The following SHC4 variants were observed in gnomAD, a reference collection of about 807,000 sequenced individuals.
The protein encoded by SHC4 is SHC adaptor protein 4, also known as SHC-transforming protein 4.
A neutral mutation model predicts 69.4 loss-of-function variants in SHC4; 41 were observed. That is an observed-to-expected ratio of 0.59 (90% CI 0.46 to 0.77). The LOEUF (loss-of-function observed/expected upper bound fraction) is 0.77, where lower values mean the gene tolerates loss of function less well. Among genes scored for constraint, SHC4 ranks in the 30% least tolerant of loss-of-function variants. SHC4 has a pLI of 0.00. For missense variants in SHC4, 777 were observed against 783.8 expected (o/e 0.99, Z 0.10); for synonymous variants, 318 against 299.3 (o/e 1.06, Z -0.64).
chr15:48,949,984 A>G (rs1901339858), intron 1 of SHC4, among the ~76,000 whole-genome samples: 1 of 142,760 alleles, frequency 7.0e-6, no homozygotes, highest in Non-Finnish European at 1.5e-5. Context: ...GAAATAATAT[A>G]TAAAATAATA....
At chr15:48,896,285 TC>T (rs1235815187) in intron 2 of SHC4, among the ~76,000 whole-genome samples, 1 of 135,464 alleles carries the variant, frequency 7.4e-6, no homozygotes, top group African/African-American at 2.6e-5. Context: ...TCTCTCTCTC[TC>T]TCTCCCTCCC....
At chr15:48,930,298 GA>G (rs1437490992) in intron 1 of SHC4, among the ~76,000 whole-genome samples, 1 of 152,128 alleles carries the variant, frequency 6.6e-6, no homozygotes, top group Non-Finnish European at 1.5e-5. Flanking sequence ...GTTTAGATTT[GA>G]AAAATAAAAT....
At chr15:48,888,592 C>A (rs1160693568) in intron 3 of SHC4, among the ~76,000 whole-genome samples, 1 of 152,086 alleles carries the variant, frequency 6.6e-6, no homozygotes, top group Non-Finnish European at 1.5e-5. Flanking sequence ...GAACTGTACA[C>A]TTAAAAAGGG....
intron 1 of SHC4, 59 bp from the exon 2 acceptor site, chr15:48,925,008 A>G (rs1469383864): frequency 1.3e-6 from 2 of 1,577,776 alleles, no homozygotes; most frequent in Middle Eastern, 1.7e-4. Context: ...GCTGTCTCTT[A>G]GCTTCACGGC....
intron 2 of SHC4, among the ~76,000 whole-genome samples, chr15:48,910,041 T>G (rs897563933): frequency 6.6e-6 from 1 of 152,068 alleles, no homozygotes; most frequent in African/African-American, 2.4e-5. Flanking sequence ...CCTTTTCTGG[T>G]TTTGGTATTA....
chr15:48,954,989 T>C (rs554838746), intron 1 of SHC4, among the ~76,000 whole-genome samples: 39 of 152,322 alleles, frequency 2.6e-4, no homozygotes, highest in Non-Finnish European at 4.7e-4. Context: ...AATCTCTTCA[T>C]GAAATGGGAA....
intron 1 of SHC4, among the ~76,000 whole-genome samples, chr15:48,956,395 T>C (rs1901454299): frequency 1.3e-5 from 2 of 152,300 alleles, no homozygotes; most frequent in South Asian, 4.1e-4. Context: ...GTTACCAGGC[T>C]ATGTGTGTGG....
chr15:48,846,162 C>T (rs1899088562), intron 9 of SHC4, among the ~76,000 whole-genome samples: 1 of 152,094 alleles, frequency 6.6e-6, no homozygotes, highest in South Asian at 2.1e-4. Context: ...CCGGGCCTGG[C>T]TAGAAGTCAG....
At chr15:48,907,298 C>G (rs974754719) in intron 2 of SHC4, among the ~76,000 whole-genome samples, 2 of 150,992 alleles carry the variant, frequency 1.3e-5, no homozygotes, top group African/African-American at 2.4e-5. Flanking sequence ...TAGCTCGGCT[C>G]ACTGCAACCG....
intron 9 of SHC4, among the ~76,000 whole-genome samples, chr15:48,849,337 C>T (rs1260333238): frequency 6.6e-6 from 1 of 152,136 alleles, no homozygotes; most frequent in Non-Finnish European, 1.5e-5. Context: ...TTGATTGTCA[C>T]TTCCTTAGGG....
At chr15:48,845,642 G>A (rs926408005) in intron 9 of SHC4, among the ~76,000 whole-genome samples, 1 of 152,160 alleles carries the variant, frequency 6.6e-6, no homozygotes, top group African/African-American at 2.4e-5. Flanking sequence ...AAACGAGAAT[G>A]ATCTAATCAG....
rs908443757 is a variant in SHC4 at position 48,835,561 on chromosome 15, A to T, written c.1484-539T>A. 2.6e-5 allele frequency among the ~76,000 whole-genome samples: 4 copies of T among 152,208 alleles called. No individual in the cohort carries two copies. In the East Asian group the frequency reaches 7.7e-4, roughly 29 times the overall value. ...TCAAAACTTTGCTAAACCTCACAGC[A>T]TTCCCACTAAAGGACTACTTTGTTG... On this transcript the variant is annotated intron_variant, in intron 10 of 11. Coordinates refer to ENST00000332408, the MANE Select transcript of SHC4 (RefSeq NM_203349.4).
intron 4 of SHC4, among the ~76,000 whole-genome samples, chr15:48,883,538 C>T (rs1280130601): frequency 1.3e-5 from 2 of 152,114 alleles, no homozygotes; most frequent in Non-Finnish European, 2.9e-5. Context: ...AAAATCAGAT[C>T]CTAACACACA....
At chr15:48,901,045 G>C (rs1031454819) in intron 2 of SHC4, among the ~76,000 whole-genome samples, 1 of 152,226 alleles carries the variant, frequency 6.6e-6, no homozygotes, top group African/African-American at 2.4e-5. Flanking sequence ...GGATGTGCTT[G>C]TGTGCCAGTA....
chr15:48,957,206 G>A (rs1382080361), intron 1 of SHC4, among the ~76,000 whole-genome samples: 2 of 151,950 alleles, frequency 1.3e-5, no homozygotes, highest in South Asian at 2.1e-4. Flanking sequence ...TCGAACTCCT[G>A]ACCTCAAGTG....
chr15:48,893,249 A>G (rs1326875661), intron 2 of SHC4, among the ~76,000 whole-genome samples: 1 of 152,142 alleles, frequency 6.6e-6, no homozygotes, highest in Non-Finnish European at 1.5e-5. Flanking sequence ...AGACACCAAA[A>G]CACAAAGTAT....
At chr15:48,895,239 T>A (rs2141008496) in intron 2 of SHC4, among the ~76,000 whole-genome samples, 1 of 152,202 alleles carries the variant, frequency 6.6e-6, no homozygotes, top group East Asian at 2.0e-4. Context: ...GATAATAAAG[T>A]TCAAATAATT....
intron 2 of SHC4, among the ~76,000 whole-genome samples, chr15:48,906,517 C>T (rs1834503835): frequency 1.3e-5 from 2 of 152,168 alleles, no homozygotes; most frequent in South Asian, 4.2e-4. Context: ...ACCCACTCCC[C>T]TTCTCAATAC....
At chr15:48,943,167 A>G (rs566543394) in intron 1 of SHC4, among the ~76,000 whole-genome samples, 1 of 152,260 alleles carries the variant, frequency 6.6e-6, no homozygotes, top group East Asian at 1.9e-4. Flanking sequence ...AATGTTACTA[A>G]CAATAGTCCT....
Sources: gnomAD v4.1 joint callset for allele counts (sites outside exome capture counted in the v4.1 genomes callset) on GRCh38, gnomAD v4.1.1 for gene constraint, MANE v1.5 for transcripts, NCBI Gene and HGNC (gene_info 2026-07-23, HGNC 2026-07-21) for gene names.